The following ARHGAP12 variants were observed in gnomAD, a reference collection of about 807,000 sequenced individuals.
The protein encoded by ARHGAP12 is Rho GTPase activating protein 12.
Under a neutral mutation model 108.6 loss-of-function variants are expected in ARHGAP12, and 64 were observed. The ratio of observed to expected loss-of-function variants is 0.59; its 90% CI spans 0.48 to 0.73. The LOEUF is 0.73. Ranked by LOEUF, ARHGAP12 falls within the 30% of genes least tolerant of loss-of-function variation. ARHGAP12 has a pLI of 0.00. For synonymous variants in ARHGAP12, 312 were observed against 337.2 expected (o/e 0.93, Z 0.82); for missense variants, 940 against 1,005.9 (o/e 0.93, Z 0.89).
rs778801545 is a variant in ARHGAP12 at position 31,861,564 on chromosome 10, G to C, written c.779C>G (p.Pro260Arg). Residue 260 changes from proline to arginine, a missense_variant, in exon 4 of 20, where the codon CCT becomes CGT. Physicochemically the swap from Pro to Arg is moderately radical, Grantham distance 103. Coordinates refer to ENST00000344936, the MANE Select transcript of ARHGAP12 (RefSeq NM_018287.7). The stretch of plus-strand genomic sequence containing the variant: ...ATTAATCTGAATTGCCGGGCTCCCA[G>C]GAAGTGGGGGAAGAGCAGACTGGGA... ...KISQSALPPL[P>R]GSPAIQINGE... The C allele has an allele frequency of 1.2e-6, 2 of 1,614,066 alleles. No homozygotes were observed. Among genetic ancestry groups the C allele is most frequent in the East Asian group, 4.5e-5 (2 of 44,894 alleles).
chr10:31,885,983 C>T (rs1838174741), intron 3 of ARHGAP12, among the ~76,000 whole-genome samples: 1 of 152,120 alleles, frequency 6.6e-6, no homozygotes, highest in Admixed American at 6.5e-5. Flanking sequence ...CTTTAATGTA[C>T]ACCAACCTAC....
intron 15 of ARHGAP12, among the ~76,000 whole-genome samples, chr10:31,811,188 G>C (rs1179305002): frequency 6.6e-6 from 1 of 152,174 alleles, no homozygotes; most frequent in Non-Finnish European, 1.5e-5. Flanking sequence ...TTGAGTATAA[G>C]TTTCATGAGG....
In ARHGAP12 at chr10:31,809,310, A is replaced by G. The variant is rs774056928; in HGVS notation, c.2051-3T>C. The G allele has an allele frequency of 3.7e-6, 6 of 1,612,800 alleles. No individual in the cohort carries two copies. In the East Asian group the frequency reaches 1.3e-4, roughly 36 times the overall value. ...GTATATCCCATCAATATCCAAACCT[A>G]AGAGACAATAATAATTTGTGTGTGT... On this transcript the variant is annotated splice_polypyrimidine_tract_variant and splice_region_variant and intron_variant, in intron 16 of 19. Transcript: ENST00000344936.
At chr10:31,868,811 C>T (rs1387366045) in intron 3 of ARHGAP12, among the ~76,000 whole-genome samples, 1 of 151,136 alleles carries the variant, frequency 6.6e-6, no homozygotes, top group East Asian at 2.0e-4. Context: ...TGCCTGTGGT[C>T]CCTGCTACTT....
intron 11 of ARHGAP12, 93 bp downstream of exon 11, chr10:31,826,211 A>G (rs1178361709): frequency 4.1e-6 from 4 of 966,262 alleles, no homozygotes; most frequent in African/African-American, 3.3e-5. Flanking sequence ...AGCTATAACT[A>G]TAAGGACTCT....
intron 3 of ARHGAP12, among the ~76,000 whole-genome samples, chr10:31,867,109 CTTTT>C (rs1162757740): frequency 6.8e-6 from 1 of 147,164 alleles, no homozygotes; most frequent in Non-Finnish European, 1.5e-5. Context: ...ACCTTGTTTT[CTTTT>C]TTTTGTTTTT....
chr10:31,928,193 CA>C (rs1466848426), intron 1 of ARHGAP12, among the ~76,000 whole-genome samples: 1 of 151,848 alleles, frequency 6.6e-6, no homozygotes, highest in Admixed American at 6.6e-5. Flanking sequence ...CACACACACA[CA>C]CACACCCGCC....
intron 3 of ARHGAP12, among the ~76,000 whole-genome samples, chr10:31,883,414 A>G (rs1838061482): frequency 6.6e-6 from 1 of 152,246 alleles, no homozygotes. Flanking sequence ...GTGTCAATTC[A>G]TCTTAAAGTA....
intron 4 of ARHGAP12, among the ~76,000 whole-genome samples, chr10:31,860,884 C>T (rs1209313969): frequency 6.6e-6 from 1 of 151,994 alleles, no homozygotes; most frequent in African/African-American, 2.4e-5. Flanking sequence ...CGGCAAGACC[C>T]CATCTCTACA....
At chr10:31,913,756 A>C (rs1839447352) in intron 1 of ARHGAP12, 1 of 150,520 alleles carries the variant, frequency 6.6e-6, no homozygotes, top group Non-Finnish European at 1.5e-5. Flanking sequence ...GATGATGACA[A>C]ATCAGTTGGT....
At chr10:31,831,407 C>T (rs1835828427) in intron 10 of ARHGAP12, among the ~76,000 whole-genome samples, 1 of 152,014 alleles carries the variant, frequency 6.6e-6, no homozygotes, top group Non-Finnish European at 1.5e-5. Flanking sequence ...GGAAGTAATG[C>T]CGGCTGGGGG....
At chr10:31,886,175 T>A (rs1204118057) in intron 3 of ARHGAP12, among the ~76,000 whole-genome samples, 1 of 152,182 alleles carries the variant, frequency 6.6e-6, no homozygotes, top group Non-Finnish European at 1.5e-5. Flanking sequence ...TGCAAAAAAT[T>A]TTCCACATCT....
chr10:31,827,118 C>A (rs1203870160), intron 10 of ARHGAP12: 3 of 152,120 alleles, frequency 2.0e-5, no homozygotes, highest in Non-Finnish European at 4.4e-5. Context: ...TCTCCAGATA[C>A]AGAGGTACGC....
chr10:31,924,939 C>G (rs1174078493), intron 1 of ARHGAP12, among the ~76,000 whole-genome samples: 1 of 152,124 alleles, frequency 6.6e-6, no homozygotes, highest in African/African-American at 2.4e-5. Context: ...AGTGCTTACT[C>G]AAGGAAGCAA....
chr10:31,865,094 G>A (rs2132318143), intron 3 of ARHGAP12, among the ~76,000 whole-genome samples: 1 of 152,340 alleles, frequency 6.6e-6, no homozygotes, highest in African/African-American at 2.4e-5. Context: ...AGCAGCAAGT[G>A]AAAGGCCTAA....
chr10:31,817,915 G>A (rs1459047173), intron 12 of ARHGAP12, 29 bp from the exon 13 acceptor site: 16 of 1,559,590 alleles, frequency 1.0e-5, no homozygotes, highest in Non-Finnish European at 1.4e-5. Flanking sequence ...AGAAAAAAGA[G>A]TATGGTCAGT....
At chr10:31,861,047 T>C (rs1403043567) in intron 4 of ARHGAP12, among the ~76,000 whole-genome samples, 1 of 152,176 alleles carries the variant, frequency 6.6e-6, no homozygotes, top group African/African-American at 2.4e-5. Flanking sequence ...AGAGCTAGAC[T>C]CCATCTCTTA....
At chr10:31,836,422 C>A (rs1056723753) in intron 9 of ARHGAP12, among the ~76,000 whole-genome samples, 1 of 151,922 alleles carries the variant, frequency 6.6e-6, no homozygotes. Flanking sequence ...GTATATACTG[C>A]CTATTTCAAG....
intron 9 of ARHGAP12, among the ~76,000 whole-genome samples, chr10:31,838,130 T>C (rs1330142669): frequency 6.6e-6 from 1 of 152,164 alleles, no homozygotes; most frequent in Non-Finnish European, 1.5e-5. Context: ...AAATAAAAGT[T>C]CAAACTAAGC....
Sources: gnomAD v4.1 joint callset for allele counts (sites outside exome capture counted in the v4.1 genomes callset) on GRCh38, gnomAD v4.1.1 for gene constraint, MANE v1.5 for transcripts, NCBI Gene and HGNC (gene_info 2026-07-23, HGNC 2026-07-21) for gene names.